PRKACB: variants seen among roughly 807,000 people sequenced by gnomAD.
PRKACB encodes the protein cAMP-dependent protein kinase catalytic subunit beta.
PRKACB carries 16 observed loss-of-function variants against 51.4 expected under a neutral mutation model. The ratio of observed to expected loss-of-function variants is 0.31; its 90% confidence interval spans 0.21 to 0.47. The LOEUF is 0.47. Ranked by LOEUF, PRKACB falls within the 20% of genes least tolerant of loss-of-function variation. The pLI, the probability that PRKACB is intolerant of heterozygous loss-of-function variation, is 1.00. For missense variants in PRKACB, 309 were observed against 464.5 expected (o/e 0.67, Z 3.08); for synonymous variants, 147 against 154.4 (o/e 0.95, Z 0.35).
At chr1:84,161,590 T>A (rs183330099) in intron 1 of PRKACB, among the ~76,000 whole-genome samples, 25 of 151,986 alleles carry the variant, frequency 1.6e-4, no homozygotes, top group African/African-American at 5.8e-4. Flanking sequence ...TTGGTTTTGA[T>A]TTTTAAAAAT....
chr1:84,177,126 AG>A (rs932520086), intron 1 of PRKACB, among the ~76,000 whole-genome samples: 3 of 151,980 alleles, frequency 2.0e-5, no homozygotes, highest in Non-Finnish European at 2.9e-5. Context: ...ATACTCATAT[AG>A]GCATCTGGAG....
rs751972428 is a variant in PRKACB, at chr1:84,219,962, A to AT, written c.1071+5654dup. Among the ~76,000 whole-genome samples the AT allele has an allele frequency of 1.9e-3, 287 of 150,114 alleles. 1 individual carries two copies. Among genetic ancestry groups the AT allele is most frequent in the Middle Eastern group, 3.4e-3 (1 of 290 alleles). On this transcript the variant is annotated intron_variant, in intron 9 of 9. Coordinates refer to ENST00000370685, the MANE Select transcript of PRKACB (RefSeq NM_182948.4). The stretch of plus-strand genomic sequence containing the variant: ...TTTGTGGTTCCATACAAATTTTAGG[A>AT]TTTTTTTTTCTATTTCTGTGAAGAC...
chr1:84,142,960 T>A (rs564787818), upstream of PRKACB, among the ~76,000 whole-genome samples: 1 of 152,268 alleles, frequency 6.6e-6, no homozygotes, highest in East Asian at 1.9e-4. Flanking sequence ...TTAGATAGAT[T>A]GTTTTAGATA....
At chr1:84,105,551 AT>A (rs1649672967) in intron 1 of PRKACB, among the ~76,000 whole-genome samples, 2 of 31,300 alleles carry the variant, frequency 6.4e-5, no homozygotes, top group Admixed American at 5.4e-4. Context: ...GCATTTATTT[AT>A]TTATTTATTT....
intron 5 of PRKACB, among the ~76,000 whole-genome samples, chr1:84,188,057 A>G (rs1362084247): frequency 1.3e-5 from 2 of 152,132 alleles, no homozygotes; most frequent in Non-Finnish European, 2.9e-5. Context: ...ATATTCCCAT[A>G]AAAGTACTTA....
chr1:84,118,090 G>A (rs1252265639), intron 1 of PRKACB, among the ~76,000 whole-genome samples: 1 of 152,230 alleles, frequency 6.6e-6, no homozygotes, highest in Non-Finnish European at 1.5e-5. Context: ...TGTTGGTAAA[G>A]GAGTTCTACT....
intron 1 of PRKACB, among the ~76,000 whole-genome samples, chr1:84,155,731 A>C (rs1237591496): frequency 6.6e-6 from 1 of 152,172 alleles, no homozygotes; most frequent in African/African-American, 2.4e-5. Flanking sequence ...CATGTCCTGA[A>C]ACCATGGTTG....
chr1:84,192,345 A>C (rs1195831964), intron 5 of PRKACB, among the ~76,000 whole-genome samples: 1 of 152,172 alleles, frequency 6.6e-6, no homozygotes, highest in African/African-American at 2.4e-5. Context: ...AGGTCTGTAC[A>C]ATATTTTCTT....
intron 5 of PRKACB, among the ~76,000 whole-genome samples, chr1:84,188,994 C>A (rs1360933552): frequency 6.6e-6 from 1 of 151,898 alleles, no homozygotes; most frequent in East Asian, 1.9e-4. Flanking sequence ...TTTTAAAGCT[C>A]AGTTTTTCTG....
chr1:84,235,121 G>A (rs1055890880), intron 9 of PRKACB, 59 bp from the exon 10 acceptor site: 1 of 1,533,916 alleles, frequency 6.5e-7, no homozygotes, highest in South Asian at 1.2e-5. Context: ...CTTGGTGTTT[G>A]GAAACTCTCA....
chr1:84,098,264 A>G (rs1405785843), intron 1 of PRKACB, among the ~76,000 whole-genome samples: 1 of 152,074 alleles, frequency 6.6e-6, no homozygotes, highest in Non-Finnish European at 1.5e-5. Context: ...TATAAATAAA[A>G]ATATTTTCTC....
At chr1:84,164,488 G>C in intron 1 of PRKACB, 2 of 1,529,166 alleles carry the variant, frequency 1.3e-6, no homozygotes, top group Non-Finnish European at 1.8e-6. Flanking sequence ...GTAGATTAGT[G>C]CTTAAATTTA....
intron 1 of PRKACB, among the ~76,000 whole-genome samples, chr1:84,167,274 G>A (rs904629764): frequency 1.3e-5 from 2 of 151,412 alleles, no homozygotes; most frequent in African/African-American, 4.8e-5. Context: ...AAAACTTTCA[G>A]TTACTCCCTA....
chr1:84,144,730 A>G (rs1653809320), intron 1 of PRKACB, among the ~76,000 whole-genome samples, 182 bp downstream of exon 1: 2 of 152,176 alleles, frequency 1.3e-5, no homozygotes, highest in South Asian at 4.1e-4. Context: ...TGAATCATTC[A>G]GCTTTCATCA....
intron 8 of PRKACB, among the ~76,000 whole-genome samples, chr1:84,210,719 C>T (rs1428185472): frequency 6.6e-6 from 1 of 152,072 alleles, no homozygotes; most frequent in Non-Finnish European, 1.5e-5. Flanking sequence ...TCGCTCTTCC[C>T]ATCATAGAAA....
At chr1:84,095,456 A>G (rs1648858089) in intron 1 of PRKACB, among the ~76,000 whole-genome samples, 2 of 151,912 alleles carry the variant, frequency 1.3e-5, no homozygotes, top group Admixed American at 6.6e-5. Flanking sequence ...AACACTTTGA[A>G]GATGTTTCAT....
At position 84,222,253 on chromosome 1, in the gene PRKACB, G is replaced by GT. The variant is rs1019428709; in HGVS notation, c.1071+7940dup. ...AATTTAGATACTCCTGCTTGTTTTT[G>GT]TTTTCCATTTGTATGAAATCTTTTT... On this transcript the variant is annotated intron_variant, in intron 9 of 9. Coordinates refer to ENST00000370685, the MANE Select transcript of PRKACB (RefSeq NM_182948.4). Among the ~76,000 whole-genome samples, 66 of 151,586 alleles carry GT rather than the reference G, an allele frequency of 4.4e-4. 1 individual carries two copies. Among genetic ancestry groups the GT allele is most frequent in the South Asian group, 3.8e-3 (18 of 4,794 alleles).
At chr1:84,128,786 A>C (rs1453671168) in intron 1 of PRKACB, among the ~76,000 whole-genome samples, 1 of 152,172 alleles carries the variant, frequency 6.6e-6, no homozygotes, top group Non-Finnish European at 1.5e-5. Context: ...ATCTGTCAGC[A>C]TTATGTGTGT....
intron 9 of PRKACB, among the ~76,000 whole-genome samples, chr1:84,227,181 G>A (rs921070320): frequency 6.6e-6 from 1 of 151,970 alleles, no homozygotes; most frequent in Non-Finnish European, 1.5e-5. Context: ...AAGTTTCCAG[G>A]CTTTTATTCT....
Sources: allele counts gnomAD v4.1 joint callset (sites outside exome capture counted in the v4.1 genomes callset), GRCh38; gene constraint gnomAD v4.1.1; transcripts MANE v1.5; gene names NCBI Gene and HGNC (gene_info 2026-07-23, HGNC 2026-07-21).